Variants in ZNF469 observed in about 807,000 individuals in gnomAD.
ZNF469 encodes the protein zinc finger protein 469.
A neutral mutation model predicts 1.0 loss-of-function variants in ZNF469; 1 was observed. The observed-to-expected ratio is 1.00, with a 90% confidence interval of 0.35 to 4.73. ZNF469 has a LOEUF of 4.73. ZNF469 is among the 30% of genes most tolerant of loss of function. The pLI is 0.16. For missense variants in ZNF469, 6,100 were observed against 5,356.3 expected (o/e 1.14, Z -4.33); for synonymous variants, 2,703 against 2,363.4 (o/e 1.14, Z -4.17).
chr16:88,273,081 G>C, the ZNF469 span, among the ~76,000 whole-genome samples: 1 of 152,094 alleles, frequency 6.6e-6, no homozygotes, highest in Non-Finnish European at 1.5e-5. Context: ...GGATAAATGG[G>C]TGGATGGATA....
intron 1 of ZNF469, among the ~76,000 whole-genome samples, chr16:88,392,367 C>T (rs888733865): frequency 2.0e-5 from 3 of 152,388 alleles, no homozygotes; most frequent in African/African-American, 7.2e-5. Flanking sequence ...AAACGCCTAG[C>T]GTAGGTGCCT....
At chr16:88,286,353 T>C in the ZNF469 span, among the ~76,000 whole-genome samples, 1 of 152,338 alleles carries the variant, frequency 6.6e-6, no homozygotes, top group Non-Finnish European at 1.5e-5. Flanking sequence ...ACATCTGCCG[T>C]TATACTCAGG....
rs1323074402 is a variant in ZNF469, at chr16:88,428,164, G to A, written c.694G>A (p.Ala232Thr). The A allele has an allele frequency of 6.5e-7, 1 of 1,550,090 alleles. No individual in the cohort carries two copies. The highest frequency in any genetic ancestry group is 8.7e-7 in the Non-Finnish European group (1 of 1,146,906). The change falls in exon 3 of 3, where the codon GCC becomes ACC. Residue 232 changes from alanine (A) to threonine (T), a missense_variant. By Grantham distance (58) the Ala-to-Thr change is moderately conservative. Coordinates refer to ENST00000565624, the MANE Select transcript of ZNF469 (RefSeq NM_001367624.2). ...GSYPEYQASG[A>T]DSWPPAAENS... The stretch of plus-strand genomic sequence containing the variant: ...CTATCCCGAATACCAGGCCAGTGGG[G>A]CCGACTCCTGGCCTCCCGCTGCTGA...
chr16:88,417,128 T>C (rs1905322654), intron 1 of ZNF469, among the ~76,000 whole-genome samples: 1 of 152,058 alleles, frequency 6.6e-6, no homozygotes. Flanking sequence ...CTGCTGGGCC[T>C]CCCCCAGGAG....
intron 1 of ZNF469, among the ~76,000 whole-genome samples, chr16:88,388,211 G>A (rs1904388257): frequency 6.6e-6 from 1 of 152,270 alleles, no homozygotes; most frequent in Admixed American, 6.5e-5. Flanking sequence ...GCCCAGGGCT[G>A]CTCCTAACAC....
At chr16:88,374,061 T>C in the ZNF469 span, among the ~76,000 whole-genome samples, 1 of 150,404 alleles carries the variant, frequency 6.6e-6, no homozygotes, top group Non-Finnish European at 1.5e-5. Context: ...AGCTGAGGAA[T>C]GAACGTAGTG....
At chr16:88,124,958 T>C in the ZNF469 span, among the ~76,000 whole-genome samples, 1 of 152,266 alleles carries the variant, frequency 6.6e-6, no homozygotes. Flanking sequence ...AAAAAATTTG[T>C]CTATCTCAGG....
At chr16:88,186,950 C>T in the ZNF469 span, among the ~76,000 whole-genome samples, 6 of 152,014 alleles carry the variant, frequency 3.9e-5, no homozygotes, top group African/African-American at 1.2e-4. Context: ...ACACACCCTG[C>T]CCCCCACTGC....
At chr16:88,136,561 C>T in the ZNF469 span, among the ~76,000 whole-genome samples, 2 of 152,222 alleles carry the variant, frequency 1.3e-5, no homozygotes, top group Non-Finnish European at 2.9e-5. Context: ...TATTGTGTGC[C>T]CTTCACAAAT....
rs1231060692 is a variant in ZNF469 at position 88,435,499 on chromosome 16, C to T, written c.8029C>T (p.His2677Tyr). ...AMASYAASPS[H>Y]CLSVEGGPEA... is the part of the protein sequence containing the mutation. Reference sequence around the variant, plus strand: ...GGCCAGTTACGCAGCCTCTCCGAGCCACTGCCTCTCTGTGGAAGGAGGGCC... The same window carrying T: ...GGCCAGTTACGCAGCCTCTCCGAGCTACTGCCTCTCTGTGGAAGGAGGGCC... The change falls in exon 3 of 3, where the codon CAC becomes TAC. Residue 2677 changes from histidine to tyrosine, a missense_variant. By Grantham distance (83) the His-to-Tyr change is moderately conservative. Coordinates refer to ENST00000565624, the MANE Select transcript of ZNF469 (RefSeq NM_001367624.2). 2 of 1,549,258 alleles carry T rather than the reference C, an allele frequency of 1.3e-6. No individual in the cohort carries two copies. Among genetic ancestry groups the T allele is most frequent in the Non-Finnish European group, 1.7e-6 (2 of 1,146,984 alleles).
chr16:88,401,275 T>C (rs1741894559), intron 1 of ZNF469, among the ~76,000 whole-genome samples: 1 of 152,226 alleles, frequency 6.6e-6, no homozygotes, highest in Admixed American at 6.5e-5. Context: ...AGCCTAACAA[T>C]GTCAGGGCCT....
chr16:88,387,107 C>T (rs1252051476), intron 1 of ZNF469, among the ~76,000 whole-genome samples: 1 of 140,794 alleles, frequency 7.1e-6, no homozygotes, highest in African/African-American at 2.5e-5. Context: ...CTGTGTCCAC[C>T]CAGGGGAGCG....
intron 1 of ZNF469, among the ~76,000 whole-genome samples, chr16:88,383,971 C>T (rs930037818): frequency 2.0e-4 from 31 of 152,190 alleles, no homozygotes; most frequent in Non-Finnish European, 4.0e-4. Flanking sequence ...GGGGGACTCC[C>T]GCGGCCACCC....
At chr16:88,220,901 C>T in the ZNF469 span, among the ~76,000 whole-genome samples, 1 of 152,238 alleles carries the variant, frequency 6.6e-6, no homozygotes, top group African/African-American at 2.4e-5. Context: ...GCCACTTGCT[C>T]TCCGGGTCTC....
Position 88,431,169 on chromosome 16 carries a change from G to C in ZNF469, c.3699G>C (p.Glu1233Asp). The change falls in exon 3 of 3, where the codon GAG (glutamate) becomes GAC (aspartate). Residue 1233 changes from glutamate (E) to aspartate (D), a missense_variant. Glu to Asp is a conservative substitution (Grantham distance 45, BLOSUM62 2). Coordinates refer to ENST00000565624, the MANE Select transcript of ZNF469 (RefSeq NM_001367624.2). ...QEAKEPETAE[E>D]SAPDSTEFTE... is the part of the protein sequence containing the mutation. ...CCAAGGAGCCTGAAACTGCCGAAGA[G>C]TCAGCCCCGGACAGCACAGAATTCA... is the stretch of plus-strand genomic sequence containing the variant. 2 of 1,550,346 alleles carry C rather than the reference G, an allele frequency of 1.3e-6. No homozygotes were observed. Among genetic ancestry groups the C allele is most frequent in the Non-Finnish European group, 1.7e-6 (2 of 1,146,964 alleles).
At chr16:88,347,277 C>T in the ZNF469 span, among the ~76,000 whole-genome samples, 1 of 152,202 alleles carries the variant, frequency 6.6e-6, no homozygotes, top group African/African-American at 2.4e-5. Context: ...GTCAGGGCCC[C>T]ACCCCCACAC....
At chr16:88,101,055 C>G in the ZNF469 span, 1 of 219,000 alleles carries the variant, frequency 4.6e-6, no homozygotes, top group Non-Finnish European at 9.2e-6. Flanking sequence ...GGCAGACACG[C>G]CTGCTCGCTC....
At chr16:88,200,971 G>A in the ZNF469 span, among the ~76,000 whole-genome samples, 1 of 152,246 alleles carries the variant, frequency 6.6e-6, no homozygotes, top group East Asian at 1.9e-4. Flanking sequence ...GCCCCACTGT[G>A]TGTGGGCGAG....
At chr16:88,243,834 G>A in the ZNF469 span, among the ~76,000 whole-genome samples, 2 of 149,082 alleles carry the variant, frequency 1.3e-5, no homozygotes, top group East Asian at 4.0e-4. Flanking sequence ...ATTGATGGAA[G>A]GATGGATGGG....
Sources: gnomAD v4.1 joint callset for allele counts (sites outside exome capture counted in the v4.1 genomes callset) on GRCh38, gnomAD v4.1.1 for gene constraint, MANE v1.5 for transcripts, NCBI Gene and HGNC (gene_info 2026-07-23, HGNC 2026-07-21) for gene names.